The following FRMD4B variants were observed in gnomAD, a reference collection of about 807,000 sequenced individuals.
The protein encoded by FRMD4B is FERM domain containing 4B, also known as FERM domain-containing protein 4B.
FRMD4B carries 74 observed loss-of-function variants against 141.5 expected under a neutral mutation model. The ratio of observed to expected loss-of-function variants is 0.52; its 90% CI spans 0.43 to 0.63. The LOEUF (loss-of-function observed/expected upper bound fraction) is 0.63. Ranked by LOEUF, FRMD4B falls within the 30% of genes least tolerant of loss-of-function variation. The probability of loss-of-function intolerance (pLI) is 0.00; values close to 1 mark genes in which losing one functional copy is unlikely to be tolerated. For synonymous variants in FRMD4B, 506 were observed against 467.9 expected (o/e 1.08, Z -1.05); for missense variants, 1,366 against 1,253.4 (o/e 1.09, Z -1.36).
In FRMD4B at chr3:69,180,951, C is replaced by G. The variant is rs561278627; in HGVS notation, c.2799G>C (p.Ala933=). 1.2e-6 allele frequency: 2 copies of G among 1,613,274 alleles called. No homozygotes were observed. The highest frequency in any genetic ancestry group is 1.3e-5 in the African/African-American group (1 of 75,014). The change falls in exon 21 of 23, where the codon GCG becomes GCC. Residue 933 remains alanine (A), a synonymous_variant. Transcript: ENST00000398540. ...DRGSQRCLGF[A]GLQVPCSPSS... is the part of the protein sequence containing the mutation. Reference sequence around the variant, plus strand: ...TTGGAGAACAAGGTACTTGCAGCCCCGCAAACCCCAGGCATCTCTGTGATC... The same window carrying G: ...TTGGAGAACAAGGTACTTGCAGCCCGGCAAACCCCAGGCATCTCTGTGATC...
At chr3:69,256,588 G>A (rs2093494546) in intron 5 of FRMD4B, among the ~76,000 whole-genome samples, 1 of 152,306 alleles carries the variant, frequency 6.6e-6, no homozygotes, top group African/African-American at 2.4e-5. Flanking sequence ...CCAAAGTGCT[G>A]GGATTACAGG....
At position 69,451,549 on chromosome 3, in the gene FRMD4B, C is replaced by G. The variant is rs180688734; in HGVS notation, c.-128-18788G>C. Among the ~76,000 whole-genome samples, 10 of 152,292 alleles carry G rather than the reference C, an allele frequency of 6.6e-5. No homozygotes were observed. In the East Asian group the frequency reaches 1.9e-3, roughly 29 times the overall value. ...TTATAGGTATGAAAAATAAGGTTTA[C>G]AGCAATGAGGTATCATGGCTTATCC... is the stretch of plus-strand genomic sequence containing the variant. On this transcript the variant is annotated intron_variant, in intron 1 of 5. Transcript: ENST00000459638.
intron 1 of FRMD4B, among the ~76,000 whole-genome samples, chr3:69,380,377 A>G (rs1704084592): frequency 1.3e-5 from 2 of 152,142 alleles, no homozygotes; most frequent in South Asian, 4.1e-4. Flanking sequence ...CTCACCTATA[A>G]AAGCAATAGT....
At chr3:69,202,381 A>G (rs1205582677) in intron 11 of FRMD4B, among the ~76,000 whole-genome samples, 6 of 152,062 alleles carry the variant, frequency 3.9e-5, no homozygotes, top group Admixed American at 3.9e-4. Flanking sequence ...GTGTATATAT[A>G]AAATATATGC....
chr3:69,315,279 C>G (rs894739036), intron 1 of FRMD4B, among the ~76,000 whole-genome samples: 2 of 152,074 alleles, frequency 1.3e-5, no homozygotes, highest in African/African-American at 4.8e-5. Context: ...AACTCATGTT[C>G]CAAACCATTT....
chr3:69,253,183 ATTTTTTTT>A (rs5849890), intron 5 of FRMD4B, among the ~76,000 whole-genome samples: 3 of 129,892 alleles, frequency 2.3e-5, no homozygotes, highest in Non-Finnish European at 4.7e-5. Context: ...TATGATTCCT[ATTTTTTTT>A]TTTTTTTTTT....
chr3:69,283,429 C>CAAAAAAAAAAAAAAAAAAAA (rs59444542), intron 5 of FRMD4B, among the ~76,000 whole-genome samples: 1 of 139,458 alleles, frequency 7.2e-6, no homozygotes. Context: ...GCAACAACAA[C>CAAAAAAAAAAAAAAAAAAAA]AAAAAAAAAA....
rs191640526 is a variant in FRMD4B, at chr3:69,345,181, G to A, written c.163-31664C>T. On this transcript the variant is annotated intron_variant, in intron 1 of 22. Coordinates refer to ENST00000398540, the MANE Select transcript of FRMD4B (RefSeq NM_015123.3). Reference sequence around the variant, plus strand: ...ATGGTCTTAGCAAATGGCACACCAGGAGATTATATCCTGCACCTGACTCGG... The same window carrying A: ...ATGGTCTTAGCAAATGGCACACCAGAAGATTATATCCTGCACCTGACTCGG... 3.3e-5 allele frequency among the ~76,000 whole-genome samples: 5 copies of A among 152,340 alleles called. No individual in the cohort carries two copies. In the East Asian group the frequency reaches 9.6e-4, roughly 29 times the overall value.
At chr3:69,484,882 C>A (rs1427220271) in intron 1 of FRMD4B, among the ~76,000 whole-genome samples, 1 of 152,102 alleles carries the variant, frequency 6.6e-6, no homozygotes, top group Non-Finnish European at 1.5e-5. Context: ...TGGGCAGGCC[C>A]AGGAAAAAGC....
chr3:69,438,784 C>A (rs1454261265), intron 1 of FRMD4B, among the ~76,000 whole-genome samples: 1 of 152,182 alleles, frequency 6.6e-6, no homozygotes, highest in Non-Finnish European at 1.5e-5. Flanking sequence ...CCCTTCCACT[C>A]ATCCCCATTC....
intron 1 of FRMD4B, among the ~76,000 whole-genome samples, chr3:69,330,309 G>T (rs1364035000): frequency 1.4e-5 from 2 of 139,354 alleles, no homozygotes; most frequent in Non-Finnish European, 3.1e-5. Flanking sequence ...ATATATTCAA[G>T]GTATACAACA....
intron 1 of FRMD4B, among the ~76,000 whole-genome samples, chr3:69,498,292 T>G (rs1001492307): frequency 6.6e-6 from 1 of 152,194 alleles, no homozygotes; most frequent in African/African-American, 2.4e-5. Flanking sequence ...AAGTTTACAT[T>G]GATTGAACTT....
At chr3:69,333,763 G>A (rs1220445442) in intron 1 of FRMD4B, among the ~76,000 whole-genome samples, 1 of 152,064 alleles carries the variant, frequency 6.6e-6, no homozygotes, top group East Asian at 1.9e-4. Context: ...TGTCTTGTTT[G>A]CTTTCCAGTG....
In FRMD4B at chr3:69,249,239, C is replaced by A; in HGVS notation, c.568G>T (p.Gly190Ter). 1 of 1,575,562 alleles carries A rather than the reference C, an allele frequency of 6.3e-7. No individual in the cohort carries two copies. Among genetic ancestry groups the A allele is most frequent in the Admixed American group, 1.7e-5 (1 of 58,426 alleles). The change falls in exon 7 of 23, where the codon GGA becomes TGA. Residue 190 changes from glycine to a stop codon, truncating the protein, a stop_gained. Transcript: ENST00000398540. LOFTEE classifies it high-confidence loss of function. ...LAAFILQEAKGDYTSDENARK... is the reference protein window; with the variant it reads ...LAAFILQEAK ...GAAAAGCATTACCTGGTATAATCTC[C>A]CTTGGCTTCCTAAAAACAACAAACA... is the stretch of plus-strand genomic sequence containing the variant.
chr3:69,365,713 A>G (rs112121468), intron 1 of FRMD4B, among the ~76,000 whole-genome samples: 33,287 of 151,798 alleles, frequency 0.22, 4,605 homozygotes, highest in African/African-American at 0.39. Flanking sequence ...GGCCAGGCTC[A>G]TCTTGAACTC....
At chr3:69,467,931 G>A (rs17432953) in intron 1 of FRMD4B, among the ~76,000 whole-genome samples, 34,011 of 152,122 alleles carry the variant, frequency 0.22, 4,194 homozygotes, top group Non-Finnish European at 0.28. Context: ...AAAACGCAGA[G>A]CCAAGGGATA....
At chr3:69,234,862 A>AT (rs1316984487) in intron 7 of FRMD4B, among the ~76,000 whole-genome samples, 1 of 152,074 alleles carries the variant, frequency 6.6e-6, no homozygotes, top group Non-Finnish European at 1.5e-5. Context: ...TAAAACAGAG[A>AT]TTTTGGCTAG....
chr3:69,278,130 A>G (rs979683321), intron 5 of FRMD4B, among the ~76,000 whole-genome samples: 3 of 152,262 alleles, frequency 2.0e-5, no homozygotes, highest in African/African-American at 7.2e-5. Flanking sequence ...CTGGGATTAC[A>G]GGCTTGAGCC....
chr3:69,243,100 T>C (rs915979076), intron 7 of FRMD4B, among the ~76,000 whole-genome samples: 4 of 152,136 alleles, frequency 2.6e-5, no homozygotes, highest in Non-Finnish European at 5.9e-5. Flanking sequence ...AATTCTCTGT[T>C]TGTCTGTGTT....
Sources: allele counts gnomAD v4.1 joint callset (sites outside exome capture counted in the v4.1 genomes callset), GRCh38; gene constraint gnomAD v4.1.1; transcripts MANE v1.5; gene names NCBI Gene and HGNC (gene_info 2026-07-23, HGNC 2026-07-21).